THSD4: variants seen among roughly 807,000 people sequenced by gnomAD.
THSD4 encodes the protein thrombospondin type-1 domain-containing protein 4.
In THSD4, 69 loss-of-function variants were observed where a neutral mutation model predicts 119.0. The observed-to-expected ratio is 0.58, with a 90% CI of 0.48 to 0.71. THSD4 has a LOEUF of 0.71. THSD4 is among the 30% of genes least tolerant of loss of function. The pLI, the probability that THSD4 is intolerant of heterozygous loss-of-function variation, is 0.00. For synonymous variants in THSD4, 524 were observed against 540.4 expected, an observed-to-expected ratio of 0.97 and a Z score of 0.42; for missense variants, 1,393 against 1,391.1, an observed-to-expected ratio of 1.00 and a Z score of -0.02.
At chr15:71,658,997 C>T (rs2051244465) in intron 7 of THSD4, among the ~76,000 whole-genome samples, 1 of 152,144 alleles carries the variant, frequency 6.6e-6, no homozygotes, top group Non-Finnish European at 1.5e-5. Flanking sequence ...AGGATTTGAC[C>T]TATAGGACCT....
At chr15:71,706,558 G>C (rs1362420548) in intron 8 of THSD4, among the ~76,000 whole-genome samples, 3 of 152,170 alleles carry the variant, frequency 2.0e-5, no homozygotes, top group Non-Finnish European at 4.4e-5. Flanking sequence ...GTGGACAGTG[G>C]TGAGCATAGC....
intron 6 of THSD4, among the ~76,000 whole-genome samples, chr15:71,372,844 C>T (rs1596376911): frequency 6.6e-6 from 1 of 152,340 alleles, no homozygotes; most frequent in East Asian, 1.9e-4. Flanking sequence ...GTTTCTGCCG[C>T]CTTTTGTTCA....
chr15:71,385,914 A>T (rs1310514283), intron 6 of THSD4, among the ~76,000 whole-genome samples: 1 of 152,220 alleles, frequency 6.6e-6, no homozygotes, highest in East Asian at 1.9e-4. Context: ...ACCAGGAAAC[A>T]ACAATTTATC....
chr15:71,517,222 T>C (rs2048373958), intron 7 of THSD4, among the ~76,000 whole-genome samples: 1 of 152,226 alleles, frequency 6.6e-6, no homozygotes, highest in South Asian at 2.1e-4. Context: ...AGCATCTGAT[T>C]TGATAATGGA....
rs192714128 is a variant in THSD4 at position 71,569,597 on chromosome 15, C to T, written c.1153-90933C>T. ...CATGAGTAAGACTGGTGTCTAAACT[C>T]CGTGCCTTTACATCTAACTAGAGAT... On this transcript the variant is annotated intron_variant, in intron 7 of 17. Transcript: ENST00000261862. 1.5e-3 allele frequency among the ~76,000 whole-genome samples: 224 copies of T among 152,296 alleles called. 1 individual carries two copies. Among genetic ancestry groups the T allele is most frequent in the Non-Finnish European group, 2.5e-3 (171 of 68,018 alleles).
chr15:71,748,708 G>A (rs2141175573), intron 14 of THSD4, 114 bp downstream of exon 14: 2 of 1,299,366 alleles, frequency 1.5e-6, no homozygotes, highest in Non-Finnish European at 1.0e-6. Context: ...GGCTCTGGGG[G>A]GAAAAAAAAG....
chr15:71,521,571 C>T (rs2048441733), intron 7 of THSD4, among the ~76,000 whole-genome samples: 1 of 152,130 alleles, frequency 6.6e-6, no homozygotes, highest in South Asian at 2.1e-4. Context: ...CCTAGACTTC[C>T]AAGGCAACTG....
intron 1 of THSD4, among the ~76,000 whole-genome samples, chr15:71,122,018 CAAGTTT>C (rs2040413052): frequency 6.6e-6 from 1 of 152,120 alleles, no homozygotes; most frequent in Non-Finnish European, 1.5e-5. Context: ...GCTGTGTCTT[CAAGTTT>C]TGAAGTCTCA....
At chr15:71,299,976 A>AAAAAAAAAT (rs1555462049) in intron 6 of THSD4, among the ~76,000 whole-genome samples, 1 of 48,320 alleles carries the variant, frequency 2.1e-5, no homozygotes, top group African/African-American at 7.7e-5. Flanking sequence ...AAAAAAAAAA[A>AAAAAAAAAT]ATATATATAT....
At chr15:71,360,364 A>G (rs2045876855) in intron 6 of THSD4, among the ~76,000 whole-genome samples, 1 of 152,232 alleles carries the variant, frequency 6.6e-6, no homozygotes, top group Non-Finnish European at 1.5e-5. Context: ...TTACTGGTCA[A>G]GAAAGTTACT....
chr15:71,716,848 G>A (rs1467163756), intron 8 of THSD4, among the ~76,000 whole-genome samples: 2 of 152,010 alleles, frequency 1.3e-5, no homozygotes, highest in African/African-American at 4.8e-5. Context: ...ATAGAATCCT[G>A]GACTTTCCTC....
rs1423637365 is a variant in THSD4, at chr15:71,746,826, T to C, written c.2037-12T>C. On this transcript the variant is annotated splice_polypyrimidine_tract_variant and intron_variant, in intron 12 of 17. Coordinates refer to ENST00000261862, the MANE Select transcript of THSD4 (RefSeq NM_024817.3). Reference sequence around the variant, plus strand: ...GTTGTCTCTCACTCTCGCTCTCTCATTCCTGAACCAGCTGGGACATCGGGG... The same window carrying C: ...GTTGTCTCTCACTCTCGCTCTCTCACTCCTGAACCAGCTGGGACATCGGGG... The C allele has an allele frequency of 2.5e-6, 4 of 1,613,150 alleles. No homozygotes were observed. The highest frequency in any genetic ancestry group is 1.6e-4 in the Middle Eastern group (1 of 6,084).
intron 7 of THSD4, among the ~76,000 whole-genome samples, chr15:71,589,352 A>C (rs1326921057): frequency 7.5e-6 from 1 of 133,230 alleles, no homozygotes; most frequent in African/African-American, 2.6e-5. Context: ...TAAATTATTT[A>C]TTTATTTATT....
intron 7 of THSD4, among the ~76,000 whole-genome samples, chr15:71,488,096 C>G (rs2047850803): frequency 6.6e-6 from 1 of 152,114 alleles, no homozygotes; most frequent in Admixed American, 6.6e-5. Context: ...GAAGATGCTT[C>G]TTGTATTTCT....
At chr15:71,391,082 G>A (rs1342107162) in intron 6 of THSD4, among the ~76,000 whole-genome samples, 1 of 149,470 alleles carries the variant, frequency 6.7e-6, no homozygotes, top group Non-Finnish European at 1.5e-5. Context: ...AGGCTGGAGT[G>A]CAGTGGCACA....
rs1178829056 is a variant in THSD4, at chr15:71,363,196, G to T, written c.1016-48491G>T. On this transcript the variant is annotated intron_variant, in intron 6 of 17. Coordinates refer to ENST00000261862, the MANE Select transcript of THSD4 (RefSeq NM_024817.3). ...ACTATTTTAGACTGTAGGCCAGTCT[G>T]TGTCACAACTACCCAACTCTGCTGT... 3.3e-5 allele frequency among the ~76,000 whole-genome samples: 5 copies of T among 152,294 alleles called. No individual in the cohort carries two copies. In the South Asian group the frequency reaches 8.3e-4, roughly 25 times the overall value.
intron 7 of THSD4, among the ~76,000 whole-genome samples, chr15:71,468,974 G>T (rs1566995276): frequency 6.6e-6 from 1 of 152,210 alleles, no homozygotes; most frequent in Admixed American, 6.5e-5. Flanking sequence ...TTCTGGGCAG[G>T]TATTTGCGTG....
chr15:71,200,457 T>C (rs576000929), intron 3 of THSD4, among the ~76,000 whole-genome samples: 1 of 152,242 alleles, frequency 6.6e-6, no homozygotes, highest in South Asian at 2.1e-4. Flanking sequence ...TGAAGCCTGC[T>C]TGTGGGATTC....
At chr15:71,670,145 A>G (rs545013825) in intron 8 of THSD4, among the ~76,000 whole-genome samples, 10 of 151,902 alleles carry the variant, frequency 6.6e-5, no homozygotes, top group Non-Finnish European at 1.5e-4. Flanking sequence ...GGTTTGTTAC[A>G]TATGTATACC....
Sources: gnomAD v4.1 joint callset for allele counts (sites outside exome capture counted in the v4.1 genomes callset) on GRCh38, gnomAD v4.1.1 for gene constraint, MANE v1.5 for transcripts, NCBI Gene and HGNC (gene_info 2026-07-23, HGNC 2026-07-21) for gene names.